The following LDLRAD3 variants were observed in gnomAD, a reference collection of about 807,000 sequenced individuals.
LDLRAD3 encodes low density lipoprotein receptor class A domain containing 3.
A neutral mutation model predicts 29.4 loss-of-function variants in LDLRAD3; 20 were observed. The observed-to-expected ratio is 0.68, with a 90% CI of 0.48 to 0.99. LDLRAD3 has a LOEUF of 0.99. Ranked by LOEUF, LDLRAD3 falls within the 50% of genes least tolerant of loss-of-function variation. The probability of loss-of-function intolerance (pLI) is 0.00; values close to 1 mark genes in which losing one functional copy is unlikely to be tolerated. For missense variants in LDLRAD3, 420 were observed against 454.3 expected (o/e 0.92, Z 0.69); for synonymous variants, 157 against 192.7 (o/e 0.81, Z 1.53).
At chr11:35,971,179 C>G (rs577936044) in intron 1 of LDLRAD3, among the ~76,000 whole-genome samples, 1 of 152,114 alleles carries the variant, frequency 6.6e-6, no homozygotes, top group Non-Finnish European at 1.5e-5. Flanking sequence ...AACTCCCACC[C>G]CTGCCTACAC....
chr11:35,973,146 GTTTTGTTTTGTTTTGTTTTGTTTTGT>G (rs1484109185), intron 1 of LDLRAD3, among the ~76,000 whole-genome samples: 3 of 52,806 alleles, frequency 5.7e-5, no homozygotes, highest in Non-Finnish European at 1.1e-4. Flanking sequence ...AGGCACCTCA[GTTTTGTTTTGTTTTGTTTTGTTTTGT>G]TTTTTTTGAT....
At chr11:36,066,398 A>G (rs1165954018) in intron 2 of LDLRAD3, among the ~76,000 whole-genome samples, 4 of 152,048 alleles carry the variant, frequency 2.6e-5, no homozygotes, top group Non-Finnish European at 5.9e-5. Context: ...TACCTAACCC[A>G]CATTTATTTA....
chr11:36,148,839 G>T (rs548744126), intron 4 of LDLRAD3, among the ~76,000 whole-genome samples: 1 of 152,212 alleles, frequency 6.6e-6, no homozygotes, highest in African/African-American at 2.4e-5. Context: ...CCTGGCTTGG[G>T]TAGGCAGAAA....
chr11:36,191,699 T>C (rs1046356881), intron 4 of LDLRAD3, among the ~76,000 whole-genome samples: 2 of 151,504 alleles, frequency 1.3e-5, no homozygotes, highest in African/African-American at 2.4e-5. Context: ...GATTTATGAA[T>C]CTGGGAAAGA....
intron 4 of LDLRAD3, among the ~76,000 whole-genome samples, chr11:36,102,877 G>A (rs377472822): frequency 1.3e-5 from 2 of 152,060 alleles, no homozygotes; most frequent in African/African-American, 4.8e-5. Flanking sequence ...TGAATGTGGC[G>A]GGCAACCTCT....
chr11:36,143,280 C>T (rs541845600), intron 4 of LDLRAD3, among the ~76,000 whole-genome samples: 106 of 152,210 alleles, frequency 7.0e-4, no homozygotes, highest in Non-Finnish European at 1.2e-3. Context: ...TTAAAAGTCA[C>T]AAAGAACTCC....
chr11:36,195,346 A>G (rs957374039), intron 4 of LDLRAD3, among the ~76,000 whole-genome samples: 10 of 152,130 alleles, frequency 6.6e-5, no homozygotes, highest in African/African-American at 2.4e-4. Flanking sequence ...ATGAAAACCT[A>G]TTTCTTATGG....
At chr11:36,183,044 T>C (rs1854787412) in intron 4 of LDLRAD3, among the ~76,000 whole-genome samples, 1 of 152,204 alleles carries the variant, frequency 6.6e-6, no homozygotes, top group Non-Finnish European at 1.5e-5. Context: ...CAATACAAAA[T>C]TGAATTTATC....
chr11:36,110,962 C>T (rs1853596969), intron 4 of LDLRAD3, among the ~76,000 whole-genome samples: 1 of 152,056 alleles, frequency 6.6e-6, no homozygotes. Flanking sequence ...GGGCATCTAG[C>T]CAGAGAGGGA....
intron 2 of LDLRAD3, among the ~76,000 whole-genome samples, chr11:36,054,770 G>C (rs79053136): frequency 0.052 from 7,878 of 150,566 alleles, 267 homozygotes; most frequent in South Asian, 0.13. Context: ...TGGATGGATG[G>C]ATAGATGGAT....
Position 35,984,654 on chromosome 11 carries a change from G to A in LDLRAD3, c.46+40510G>A, listed in dbSNP as rs147963328. 4.8e-3 allele frequency among the ~76,000 whole-genome samples: 727 copies of A among 152,268 alleles called. 9 individuals are homozygous for A. The highest frequency in any genetic ancestry group is 0.016 in the African/African-American group (677 of 41,552). ...CTTTTTGTTTGTTTGTTTGTGAGAT[G>A]GAGTTTCGCTCTTGTTGCCCAGGCT... On this transcript the variant is annotated intron_variant, in intron 1 of 5. Transcript: ENST00000315571.
At chr11:36,117,979 A>C (rs892336459) in intron 4 of LDLRAD3, among the ~76,000 whole-genome samples, 1 of 152,202 alleles carries the variant, frequency 6.6e-6, no homozygotes, top group Non-Finnish European at 1.5e-5. Flanking sequence ...CCTGGAGAAT[A>C]TCTAGTTATA....
At chr11:36,099,134 T>G (rs983477108) in intron 4 of LDLRAD3, among the ~76,000 whole-genome samples, 16 of 152,196 alleles carry the variant, frequency 1.1e-4, no homozygotes, top group Non-Finnish European at 4.4e-5. Context: ...TTTCTGTGAA[T>G]TGCCTCCTTG....
intron 4 of LDLRAD3, among the ~76,000 whole-genome samples, chr11:36,148,086 G>A (rs906767831): frequency 2.6e-5 from 4 of 152,142 alleles, no homozygotes; most frequent in Non-Finnish European, 5.9e-5. Flanking sequence ...GGCCAGGCTG[G>A]TCTTGAACTC....
chr11:36,174,955 C>CT (rs1854652199), intron 4 of LDLRAD3, among the ~76,000 whole-genome samples: 2 of 151,926 alleles, frequency 1.3e-5, no homozygotes, highest in Admixed American at 1.3e-4. Context: ...CCACTCCAGC[C>CT]TGGGGACAGA....
intron 1 of LDLRAD3, among the ~76,000 whole-genome samples, chr11:35,975,867 CAA>C (rs1207730361): frequency 6.7e-6 from 1 of 149,436 alleles, no homozygotes; most frequent in African/African-American, 2.5e-5. Context: ...GGTGTGAAGC[CAA>C]AAAGAGTTGT....
At chr11:35,949,653 C>T (rs750576061) in intron 1 of LDLRAD3, among the ~76,000 whole-genome samples, 4 of 152,220 alleles carry the variant, frequency 2.6e-5, no homozygotes, top group Non-Finnish European at 5.9e-5. Flanking sequence ...CTCTGTGTCA[C>T]TTTATAACAC....
chr11:35,997,130 C>T (rs1851765149), intron 1 of LDLRAD3: 1 of 264,264 alleles, frequency 3.8e-6, no homozygotes, highest in Non-Finnish European at 7.2e-6. Flanking sequence ...TAGGTGGAAA[C>T]TTTTGTTTCT....
chr11:36,005,743 C>T (rs958673537), intron 1 of LDLRAD3, among the ~76,000 whole-genome samples: 1 of 152,076 alleles, frequency 6.6e-6, no homozygotes, highest in Non-Finnish European at 1.5e-5. Context: ...GAAAAAAGGG[C>T]TAATTTACTC....
Sources: allele counts gnomAD v4.1 joint callset (sites outside exome capture counted in the v4.1 genomes callset), GRCh38; gene constraint gnomAD v4.1.1; transcripts MANE v1.5; gene names NCBI Gene and HGNC (gene_info 2026-07-23, HGNC 2026-07-21).